Variants in LSM14A observed in about 807,000 individuals in gnomAD.
LSM14A encodes LSM14A mRNA processing body assembly factor.
In LSM14A, 14 loss-of-function variants were observed where a neutral mutation model predicts 52.4. The observed-to-expected ratio is 0.27, with a 90% CI of 0.18 to 0.42. The LOEUF (loss-of-function observed/expected upper bound fraction) is 0.42. Among genes scored for constraint, LSM14A ranks in the 10% least tolerant of loss-of-function variants. The pLI is 1.00. For missense variants in LSM14A, 417 were observed against 581.8 expected (o/e 0.72, Z 2.91); for synonymous variants, 185 against 200.3 (o/e 0.92, Z 0.64).
chr19:34,219,436 G>T lies in LSM14A; in HGVS notation c.827G>T (p.Arg276Leu). ...SAPRRGRGGH[R>L]GGRGRFGIRR... The stretch of plus-strand genomic sequence containing the variant: ...CCAAGGAGAGGGCGTGGGGGTCATC[G>T]GGGTGGCAGGGGAAGATTTGGTATT... Residue 276 changes from arginine to leucine, a missense_variant, in exon 7 of 10, where the codon CGG becomes CTG. Coordinates refer to ENST00000544216, the MANE Select transcript of LSM14A (RefSeq NM_015578.4). 1.9e-6 allele frequency: 3 copies of T among 1,613,908 alleles called. No individual in the cohort carries two copies. Among genetic ancestry groups the T allele is most frequent in the African/African-American group, 1.3e-5 (1 of 75,000 alleles).
chr19:34,227,512 T>C lies in LSM14A; in HGVS notation c.*124T>C, dbSNP rs1421504323. ...TACATTTGTCACCAGCACTGGGTTT[T>C]TGTTTTTTGTTTGTTTTTCCGCTTA... On this transcript the variant is annotated 3_prime_UTR_variant, in exon 10 of 10. Transcript: ENST00000544216. 2.8e-6 allele frequency: 2 copies of C among 711,480 alleles called. No homozygotes were observed. Among genetic ancestry groups the C allele is most frequent in the Non-Finnish European group, 4.6e-6 (2 of 436,616 alleles). 44.1% of individuals were successfully genotyped at this position (711,480 alleles called of 1,614,324 possible).
At chr19:34,212,045 C>T (rs1317998791) in intron 4 of LSM14A, among the ~76,000 whole-genome samples, 1 of 152,000 alleles carries the variant, frequency 6.6e-6, no homozygotes, top group African/African-American at 2.4e-5. Flanking sequence ...AGAAACAGAT[C>T]CGAGTATAAA....
At chr19:34,175,977 C>T (rs954130888) in intron 1 of LSM14A, among the ~76,000 whole-genome samples, 4 of 152,016 alleles carry the variant, frequency 2.6e-5, no homozygotes, top group Admixed American at 6.6e-5. Flanking sequence ...CACAGCCTTC[C>T]GAGTAGCTGG....
chr19:34,199,234 C>T (rs1206611574), intron 3 of LSM14A, among the ~76,000 whole-genome samples: 1 of 152,090 alleles, frequency 6.6e-6, no homozygotes, highest in Non-Finnish European at 1.5e-5. Context: ...AAGCCATCCT[C>T]CCACCTCAAC....
intron 1 of LSM14A, among the ~76,000 whole-genome samples, chr19:34,174,912 T>C (rs2068975983): frequency 6.6e-6 from 1 of 152,118 alleles, no homozygotes; most frequent in African/African-American, 2.4e-5. Context: ...AGAAAAAAAA[T>C]ACATTTGAAA....
chr19:34,186,071 G>A (rs571683853), intron 1 of LSM14A, among the ~76,000 whole-genome samples: 1 of 152,304 alleles, frequency 6.6e-6, no homozygotes, highest in Non-Finnish European at 1.5e-5. Flanking sequence ...TCTGCTGTGT[G>A]ATTTATTCAA....
At chr19:34,212,067 C>T (rs1246497244) in intron 4 of LSM14A, among the ~76,000 whole-genome samples, 1 of 151,992 alleles carries the variant, frequency 6.6e-6, no homozygotes, top group Non-Finnish European at 1.5e-5. Context: ...AAGAATTTAT[C>T]CTGGGTGCAG....
intron 8 of LSM14A, among the ~76,000 whole-genome samples, chr19:34,220,596 A>G (rs1448522383): frequency 1.4e-5 from 2 of 147,970 alleles, no homozygotes; most frequent in East Asian, 3.9e-4. Flanking sequence ...ACAGTTCTAG[A>G]GGTTCTCCTG....
chr19:34,197,680 A>T (rs2070963483), intron 3 of LSM14A, among the ~76,000 whole-genome samples: 1 of 151,864 alleles, frequency 6.6e-6, no homozygotes, highest in South Asian at 2.1e-4. Context: ...ACCTCAAGTG[A>T]TCCACCCACC....
At chr19:34,185,133 C>T (rs1365476006) in intron 1 of LSM14A, among the ~76,000 whole-genome samples, 2 of 152,050 alleles carry the variant, frequency 1.3e-5, no homozygotes, top group Non-Finnish European at 2.9e-5. Flanking sequence ...TTTTTTCAGT[C>T]GAAGATGATG....
intron 1 of LSM14A, among the ~76,000 whole-genome samples, chr19:34,182,461 A>G (rs1272125136): frequency 1.3e-5 from 2 of 151,468 alleles, no homozygotes; most frequent in African/African-American, 4.9e-5. Flanking sequence ...ATGTGATCAC[A>G]CTGGTTTGTT....
intron 4 of LSM14A, among the ~76,000 whole-genome samples, chr19:34,211,744 G>A (rs1406321031): frequency 6.6e-6 from 1 of 151,660 alleles, no homozygotes; most frequent in East Asian, 1.9e-4. Flanking sequence ...AGCCCTAACT[G>A]CACTACCTCA....
At chr19:34,174,914 C>T (rs2068976193) in intron 1 of LSM14A, among the ~76,000 whole-genome samples, 2 of 152,096 alleles carry the variant, frequency 1.3e-5, no homozygotes, top group African/African-American at 4.8e-5. Flanking sequence ...AAAAAAAATA[C>T]ATTTGAAAAT....
chr19:34,226,325 C>T, intron 9 of LSM14A: 1 of 1,259,980 alleles, frequency 7.9e-7, no homozygotes, highest in South Asian at 1.4e-5. Context: ...TCTCTCTCCT[C>T]TCCCCCTTTC....
intron 2 of LSM14A, among the ~76,000 whole-genome samples, 186 bp from the exon 3 acceptor site, chr19:34,196,448 A>G (rs964647566): frequency 6.6e-6 from 1 of 152,238 alleles, no homozygotes; most frequent in South Asian, 2.1e-4. Flanking sequence ...TAATTGGCAC[A>G]TTATAGACAG....
At chr19:34,177,328 T>G (rs1041271750) in intron 1 of LSM14A, among the ~76,000 whole-genome samples, 3 of 152,248 alleles carry the variant, frequency 2.0e-5, no homozygotes, top group Non-Finnish European at 2.9e-5. Flanking sequence ...CTTTTTCACA[T>G]TGACGTTTAT....
At chr19:34,209,092 T>C (rs1227569419) in intron 4 of LSM14A, 41 bp downstream of exon 4, 13 of 1,497,072 alleles carry the variant, frequency 8.7e-6, no homozygotes, top group Non-Finnish European at 1.1e-5. Context: ...TTCTAAACTT[T>C]TATAGTGGTT....
At chr19:34,208,506 A>G (rs1358630220) in intron 3 of LSM14A, 1 of 153,366 alleles carries the variant, frequency 6.5e-6, no homozygotes, top group Non-Finnish European at 1.5e-5. Flanking sequence ...TGCCTTGGAA[A>G]TGCTAAAAAA....
At chr19:34,222,458 ATC>A (rs1482371187) in intron 9 of LSM14A, among the ~76,000 whole-genome samples, 2 of 152,264 alleles carry the variant, frequency 1.3e-5, no homozygotes, top group South Asian at 4.1e-4. Context: ...CATAGTAACT[ATC>A]TCAGTTAACA....
Sources: allele counts gnomAD v4.1 joint callset (sites outside exome capture counted in the v4.1 genomes callset), GRCh38; gene constraint gnomAD v4.1.1; transcripts MANE v1.5; gene names NCBI Gene and HGNC (gene_info 2026-07-23, HGNC 2026-07-21).